MARCHF1: variants seen among roughly 807,000 people sequenced by gnomAD.
MARCHF1 encodes membrane associated ring-CH-type finger 1, also known as E3 ubiquitin-protein ligase MARCHF1.
In MARCHF1, 40 loss-of-function variants were observed where a neutral mutation model predicts 54.2. The ratio of observed to expected loss-of-function variants is 0.74; its 90% CI spans 0.57 to 0.96. MARCHF1 has a LOEUF of 0.96. Ranked by LOEUF, MARCHF1 falls within the 40% of genes least tolerant of loss-of-function variation. MARCHF1 has a pLI of 0.00. For synonymous variants in MARCHF1, 236 were observed against 236.3 expected (o/e 1.00, Z 0.01); for missense variants, 586 against 656.5 (o/e 0.89, Z 1.17).
At chr4:164,137,873 T>G (rs1205150114) in intron 1 of MARCHF1, among the ~76,000 whole-genome samples, 1 of 152,202 alleles carries the variant, frequency 6.6e-6, no homozygotes, top group Non-Finnish European at 1.5e-5. Context: ...GAAGAACTGA[T>G]AGCAGCAGAT....
chr4:163,825,532 A>G (rs1748825224), intron 4 of MARCHF1, among the ~76,000 whole-genome samples: 2 of 151,940 alleles, frequency 1.3e-5, no homozygotes, highest in African/African-American at 2.4e-5. Flanking sequence ...GCTTTCCACA[A>G]TGGCTGAACT....
chr4:163,759,173 G>C (rs1746761272), intron 4 of MARCHF1, among the ~76,000 whole-genome samples: 1 of 149,800 alleles, frequency 6.7e-6, no homozygotes, highest in African/African-American at 2.5e-5. Flanking sequence ...TAAGGGTTTG[G>C]AAAGTAGAGA....
chr4:164,126,785 A>T (rs1756192060), intron 1 of MARCHF1, among the ~76,000 whole-genome samples: 2 of 152,284 alleles, frequency 1.3e-5, no homozygotes, highest in African/African-American at 4.8e-5. Flanking sequence ...AGGACTGCGC[A>T]GTGGCTCATG....
At chr4:163,529,795 A>G (rs1317156813) in intron 9 of MARCHF1, 1 of 152,110 alleles carries the variant, frequency 6.6e-6, no homozygotes, top group East Asian at 1.9e-4. Context: ...AGTGACTACA[A>G]CAGTGAGTAT....
intron 4 of MARCHF1, among the ~76,000 whole-genome samples, chr4:163,745,495 T>G (rs1397858429): frequency 6.6e-6 from 1 of 152,186 alleles, no homozygotes; most frequent in Non-Finnish European, 1.5e-5. Flanking sequence ...GAGCTCTGAA[T>G]GAGGTCATCA....
chr4:163,680,717 T>A (rs1226324333), intron 5 of MARCHF1, among the ~76,000 whole-genome samples: 1 of 152,218 alleles, frequency 6.6e-6, no homozygotes, highest in Non-Finnish European at 1.5e-5. Flanking sequence ...TATCATTTCT[T>A]ATATTTAGAA....
chr4:163,586,331 A>C (rs1339519909), intron 7 of MARCHF1, among the ~76,000 whole-genome samples: 1 of 152,190 alleles, frequency 6.6e-6, no homozygotes, highest in African/African-American at 2.4e-5. Flanking sequence ...TTGAATCTCC[A>C]GGATATCTCG....
At chr4:164,299,475 T>C in intron 1 of MARCHF1, among the ~76,000 whole-genome samples, 1 of 152,170 alleles carries the variant, frequency 6.6e-6, no homozygotes, top group Non-Finnish European at 1.5e-5. Flanking sequence ...GGGTATTTGA[T>C]TCATTTAAGG....
In MARCHF1 at chr4:163,852,499, T is replaced by G. The variant is rs111605388; in HGVS notation, c.111+1522A>C. Among the ~76,000 whole-genome samples, 1,065 of 152,338 alleles carry G rather than the reference T, an allele frequency of 7.0e-3. 7 individuals carry two copies. The highest frequency in any genetic ancestry group is 0.025 in the African/African-American group (1,021 of 41,582). On this transcript the variant is annotated intron_variant, in intron 4 of 9. Coordinates refer to ENST00000514618, the MANE Select transcript of MARCHF1 (RefSeq NM_001394959.1). The stretch of plus-strand genomic sequence containing the variant: ...AATACAATGTTTTAGTAGTGTTAAC[T>G]CATGCCCCACAGTTTTGTGCTATCC...
intron 3 of MARCHF1, among the ~76,000 whole-genome samples, chr4:163,867,341 C>A (rs1429001369): frequency 6.6e-6 from 1 of 151,804 alleles, no homozygotes; most frequent in Admixed American, 6.6e-5. Context: ...CATCTAATTT[C>A]TTTGTTAGAT....
chr4:163,744,498 C>T (rs1410230332), intron 4 of MARCHF1, among the ~76,000 whole-genome samples: 1 of 152,158 alleles, frequency 6.6e-6, no homozygotes, highest in African/African-American at 2.4e-5. Flanking sequence ...TACTTAAGCC[C>T]TCTGATCTTC....
At chr4:163,973,349 C>CTGGTG (rs1752587256) in intron 3 of MARCHF1, among the ~76,000 whole-genome samples, 1 of 152,242 alleles carries the variant, frequency 6.6e-6, no homozygotes, top group Admixed American at 6.5e-5. Context: ...CTTAGCCTTG[C>CTGGTG]TCAACTGTCT....
At chr4:164,326,590 T>A (rs990595826) in intron 1 of MARCHF1, among the ~76,000 whole-genome samples, 1 of 152,198 alleles carries the variant, frequency 6.6e-6, no homozygotes, top group Non-Finnish European at 1.5e-5. Flanking sequence ...ATCAGTAATA[T>A]AGCAAAGTCA....
intron 1 of MARCHF1, among the ~76,000 whole-genome samples, chr4:164,256,759 A>T (rs1426695199): frequency 6.6e-6 from 1 of 152,204 alleles, no homozygotes; most frequent in Non-Finnish European, 1.5e-5. Context: ...GCTATAAAAT[A>T]AATCAAAAGA....
At chr4:164,091,559 C>T (rs538348293) in intron 2 of MARCHF1, among the ~76,000 whole-genome samples, 4 of 151,522 alleles carry the variant, frequency 2.6e-5, no homozygotes, top group African/African-American at 9.7e-5. Context: ...AAGTAAGAAC[C>T]ACTTGCAATC....
intron 3 of MARCHF1, among the ~76,000 whole-genome samples, chr4:163,910,742 G>T (rs10015969): frequency 0.021 from 3,187 of 152,120 alleles, 153 homozygotes; most frequent in East Asian, 0.19. Flanking sequence ...GGTGATCCAC[G>T]CACCTTGACC....
intron 4 of MARCHF1, among the ~76,000 whole-genome samples, chr4:163,792,610 A>G (rs1021137481): frequency 1.3e-5 from 2 of 152,190 alleles, no homozygotes; most frequent in African/African-American, 2.4e-5. Flanking sequence ...CTTCTGAAGC[A>G]CATGGTATGC....
chr4:163,742,426 CCTTCCTTT>C (rs1561052672), intron 4 of MARCHF1, among the ~76,000 whole-genome samples: 1 of 133,904 alleles, frequency 7.5e-6, no homozygotes, highest in Non-Finnish European at 1.6e-5. Flanking sequence ...TTCCTTCCTT[CCTTCCTTT>C]TCTTTCTTTT....
At chr4:163,841,463 G>GAATT (rs10657259) in intron 4 of MARCHF1, among the ~76,000 whole-genome samples, 148,406 of 152,004 alleles carry the variant, frequency 0.98, 72,527 homozygotes, top group Middle Eastern at 1. Context: ...TTTAAAAAAA[G>GAATT]AATACGAGCC....
Sources: gnomAD v4.1 joint callset for allele counts (sites outside exome capture counted in the v4.1 genomes callset) on GRCh38, gnomAD v4.1.1 for gene constraint, MANE v1.5 for transcripts, NCBI Gene and HGNC (gene_info 2026-07-23, HGNC 2026-07-21) for gene names.